Variants in ANO3 observed in about 807,000 individuals in gnomAD.
The protein encoded by ANO3 is anoctamin 3, also known as anoctamin-3.
In ANO3, 99 loss-of-function variants were observed where a neutral mutation model predicts 144.8. That is an observed-to-expected ratio of 0.68 (90% CI 0.58 to 0.81). The LOEUF is 0.81. ANO3 is among the 30% of genes least tolerant of loss of function. The pLI is 0.00. For missense variants in ANO3, 905 were observed against 1,202.2 expected (o/e 0.75, Z 3.66); for synonymous variants, 414 against 392.6 (o/e 1.05, Z -0.64).
chr11:26,397,625 T>C (rs1253829149), intron 1 of ANO3, among the ~76,000 whole-genome samples: 1 of 152,082 alleles, frequency 6.6e-6, no homozygotes, highest in African/African-American at 2.4e-5. Flanking sequence ...TTTCAAGACA[T>C]ATAATGTACA....
At chr11:26,490,219 A>G (rs7938745) in intron 4 of ANO3, among the ~76,000 whole-genome samples, 148,215 of 152,234 alleles carry the variant, frequency 0.97, 72,258 homozygotes, top group East Asian at 1. Context: ...AGGGGTTTCC[A>G]CTTTTGCTTC....
At chr11:26,194,855 C>A (rs139009428) in intron 1 of ANO3, among the ~76,000 whole-genome samples, 1 of 152,068 alleles carries the variant, frequency 6.6e-6, no homozygotes, top group Non-Finnish European at 1.5e-5. Context: ...TGTGAGCCAC[C>A]GTGTCCAGCC....
intron 17 of ANO3, among the ~76,000 whole-genome samples, chr11:26,604,899 C>A (rs1020354617): frequency 2.0e-5 from 3 of 152,100 alleles, no homozygotes; most frequent in Non-Finnish European, 2.9e-5. Context: ...TATTCGAATA[C>A]CCTTTGTTTC....
intron 1 of ANO3, among the ~76,000 whole-genome samples, chr11:26,224,192 G>A (rs539070189): frequency 3.3e-4 from 50 of 152,226 alleles, no homozygotes; most frequent in Middle Eastern, 3.4e-3. Flanking sequence ...GATGTGCTCC[G>A]GAGGCACTGG....
chr11:26,560,329 A>G (rs1202699077), intron 14 of ANO3: 2 of 152,082 alleles, frequency 1.3e-5, no homozygotes, highest in Non-Finnish European at 2.9e-5. Context: ...TGAGTTTTTA[A>G]GGCACCCAAA....
intron 1 of ANO3, among the ~76,000 whole-genome samples, chr11:26,299,504 A>G (rs1156571797): frequency 6.6e-6 from 1 of 152,224 alleles, no homozygotes; most frequent in Non-Finnish European, 1.5e-5. Flanking sequence ...TAAGTTGAGA[A>G]GAAGCCACCA....
chr11:26,193,985 C>T (rs775763561), intron 1 of ANO3, among the ~76,000 whole-genome samples: 1 of 152,156 alleles, frequency 6.6e-6, no homozygotes, highest in Non-Finnish European at 1.5e-5. Flanking sequence ...GTGTTTCTGA[C>T]TCCTCATATA....
chr11:26,642,322 TC>T lies in ANO3; in HGVS notation c.2275+295del, dbSNP rs754695744. Among the ~76,000 whole-genome samples the T allele has an allele frequency of 5.2e-4, 77 of 147,418 alleles. 3 individuals carry two copies. The highest frequency in any genetic ancestry group is 8.4e-4 in the Non-Finnish European group (56 of 66,892). On this transcript the variant is annotated intron_variant, in intron 22 of 26. Transcript: ENST00000256737. The stretch of plus-strand genomic sequence containing the variant: ...AAAATAATGCTGAACCAGTTTCTTT[TC>T]CTTTTTCTTTCTTTCTTTCTTTTTT...
chr11:26,436,237 G>A (rs1264725552), intron 1 of ANO3, among the ~76,000 whole-genome samples: 1 of 152,194 alleles, frequency 6.6e-6, no homozygotes, highest in Non-Finnish European at 1.5e-5. Context: ...ACTGGAGACA[G>A]CAAGGGCTAG....
intron 3 of ANO3, among the ~76,000 whole-genome samples, chr11:26,447,935 C>T (rs778538941): frequency 6.6e-6 from 1 of 152,122 alleles, no homozygotes; most frequent in Non-Finnish European, 1.5e-5. Flanking sequence ...CACAGTAATC[C>T]ACGTTAACAA....
upstream of ANO3, chr11:26,309,554 G>A (rs531549706): frequency 3.4e-6 from 2 of 588,888 alleles, no homozygotes; most frequent in East Asian, 2.9e-4. Context: ...AACATGAAAA[G>A]CTCTTCTTTT....
chr11:26,569,155 C>G (rs1850718872), intron 14 of ANO3, among the ~76,000 whole-genome samples: 1 of 152,000 alleles, frequency 6.6e-6, no homozygotes, highest in African/African-American at 2.4e-5. Context: ...TTTCACCTTG[C>G]CTGTGACATT....
chr11:26,658,536 G>T (rs4529857), intron 26 of ANO3, among the ~76,000 whole-genome samples: 77,789 of 151,888 alleles, frequency 0.51, 20,968 homozygotes, highest in South Asian at 0.71. Flanking sequence ...CTTGAACCCA[G>T]GAGGCGGAGG....
At chr11:26,298,048 T>A (rs1486653017) in intron 1 of ANO3, among the ~76,000 whole-genome samples, 1 of 152,200 alleles carries the variant, frequency 6.6e-6, no homozygotes, top group Non-Finnish European at 1.5e-5. Flanking sequence ...GCAGAATCAG[T>A]AGATAACATT....
chr11:26,220,402 G>A (rs1313275342), intron 1 of ANO3, among the ~76,000 whole-genome samples: 3 of 152,138 alleles, frequency 2.0e-5, no homozygotes, highest in Non-Finnish European at 1.5e-5. Context: ...GATCACTCAC[G>A]AGGCCTTACT....
chr11:26,564,718 CACACACACACACACATATATATATAT>C (rs1565108598), intron 14 of ANO3, among the ~76,000 whole-genome samples: 7 of 74,924 alleles, frequency 9.3e-5, no homozygotes, highest in Non-Finnish European at 1.8e-4. Context: ...CACACACACA[CACACACACACACACATATATATATAT>C]ATATATATAT....
intron 17 of ANO3, 96 bp from the exon 18 acceptor site, chr11:26,624,366 A>T: frequency 1.2e-6 from 1 of 842,408 alleles, no homozygotes; most frequent in East Asian, 2.5e-5. Context: ...TAACCACTGT[A>T]TAACATACAT....
At chr11:26,599,988 G>C (rs987142272) in intron 17 of ANO3, among the ~76,000 whole-genome samples, 1 of 151,862 alleles carries the variant, frequency 6.6e-6, no homozygotes, top group Non-Finnish European at 1.5e-5. Flanking sequence ...TTAGTATCTC[G>C]TGTGTGCTAG....
At chr11:26,507,876 T>A (rs1490675356) in intron 4 of ANO3, among the ~76,000 whole-genome samples, 1 of 152,224 alleles carries the variant, frequency 6.6e-6, no homozygotes, top group Admixed American at 6.5e-5. Context: ...AGAGAACCCA[T>A]GTTCAGATAT....
Sources: allele counts gnomAD v4.1 joint callset (sites outside exome capture counted in the v4.1 genomes callset), GRCh38; gene constraint gnomAD v4.1.1; transcripts MANE v1.5; gene names NCBI Gene and HGNC (gene_info 2026-07-23, HGNC 2026-07-21).